The following LGSN variants were observed in gnomAD, a reference collection of about 807,000 sequenced individuals.
The protein encoded by LGSN is lengsin, lens protein with glutamine synthetase domain.
A neutral mutation model predicts 19.5 loss-of-function variants in LGSN; 21 were observed. That is an observed-to-expected ratio of 1.07 (90% CI 0.76 to 1.55). The LOEUF (loss-of-function observed/expected upper bound fraction) is 1.55. Among genes scored for constraint, LGSN ranks in the 40% most tolerant of loss-of-function variants. LGSN has a pLI of 0.00. For missense variants in LGSN, 673 were observed against 608.5 expected (o/e 1.11, Z -1.12); for synonymous variants, 257 against 215.6 (o/e 1.19, Z -1.68).
chr6:63,317,765 G>C (rs1768920294), intron 1 of LGSN, among the ~76,000 whole-genome samples: 1 of 152,120 alleles, frequency 6.6e-6, no homozygotes, highest in Non-Finnish European at 1.5e-5. Context: ...ACAGATACAG[G>C]CTGCAGAGCA....
At chr6:63,567,772 C>T in the LGSN span, among the ~76,000 whole-genome samples, 1 of 152,222 alleles carries the variant, frequency 6.6e-6, no homozygotes, top group Admixed American at 6.5e-5. Context: ...CAGTATAAGA[C>T]TGTTTTGTCT....
At chr6:63,526,724 G>A in the LGSN span, among the ~76,000 whole-genome samples, 5 of 149,898 alleles carry the variant, frequency 3.3e-5, no homozygotes, top group Non-Finnish European at 7.4e-5. Context: ...TCTTGAATCT[G>A]GGAGGCAGAG....
At chr6:63,534,303 A>G in the LGSN span, among the ~76,000 whole-genome samples, 40 of 152,294 alleles carry the variant, frequency 2.6e-4, no homozygotes, top group African/African-American at 9.6e-4. Context: ...ACTACATCTG[A>G]TGCCATGCAA....
chr6:63,558,829 G>GC, the LGSN span, among the ~76,000 whole-genome samples: 1 of 152,138 alleles, frequency 6.6e-6, no homozygotes, highest in African/African-American at 2.4e-5. Context: ...CATCCCAGGG[G>GC]CCCCCATAAG....
chr6:63,467,004 G>A, the LGSN span, among the ~76,000 whole-genome samples: 22 of 152,154 alleles, frequency 1.4e-4, no homozygotes, highest in African/African-American at 5.3e-4. Context: ...TTAAAGCCAT[G>A]AGACTGGCTG....
the LGSN span, among the ~76,000 whole-genome samples, chr6:63,402,138 T>G: frequency 1.3e-5 from 2 of 152,124 alleles, no homozygotes; most frequent in African/African-American, 4.8e-5. Flanking sequence ...TTTTAGTCAA[T>G]CTAAAGTGAG....
the LGSN span, among the ~76,000 whole-genome samples, chr6:63,505,093 T>A: frequency 2.0e-5 from 3 of 152,034 alleles, no homozygotes; most frequent in African/African-American, 7.3e-5. Context: ...TTCTTTATTG[T>A]CCTATATTGG....
the LGSN span, among the ~76,000 whole-genome samples, chr6:63,412,481 GAGAAGAAAGA>G: frequency 1.1e-5 from 1 of 91,498 alleles, no homozygotes; most frequent in South Asian, 3.3e-4. Flanking sequence ...AGAGAAGAAA[GAGAAGAAAGA>G]AAGAAAGAAA....
the LGSN span, among the ~76,000 whole-genome samples, chr6:63,414,322 T>C: frequency 6.6e-6 from 1 of 152,128 alleles, no homozygotes; most frequent in East Asian, 1.9e-4. Context: ...CTGTAAAATA[T>C]CCCCCCATTT....
intron 1 of LGSN, among the ~76,000 whole-genome samples, chr6:63,304,662 G>A (rs1768311108): frequency 6.6e-6 from 1 of 152,138 alleles, no homozygotes; most frequent in African/African-American, 2.4e-5. Context: ...TGGCTAAGGA[G>A]CATACTCCAA....
the LGSN span, among the ~76,000 whole-genome samples, chr6:63,472,928 G>T: frequency 1.3e-5 from 2 of 151,492 alleles, no homozygotes; most frequent in Non-Finnish European, 2.9e-5. Context: ...GCAACAGAGC[G>T]AGACTCTGTC....
the LGSN span, among the ~76,000 whole-genome samples, chr6:63,524,178 T>G: frequency 6.6e-6 from 1 of 151,952 alleles, no homozygotes; most frequent in African/African-American, 2.4e-5. Context: ...AGAGATGGAG[T>G]TTTACCCTCT....
chr6:63,355,718 G>A, the LGSN span, among the ~76,000 whole-genome samples: 11 of 152,136 alleles, frequency 7.2e-5, no homozygotes, highest in African/African-American at 2.4e-4. Context: ...CACTCTTGAT[G>A]CACAGGCTGT....
the LGSN span, among the ~76,000 whole-genome samples, chr6:63,562,137 A>G: frequency 4.0e-5 from 6 of 151,388 alleles, no homozygotes; most frequent in African/African-American, 1.5e-4. Context: ...TTTTTATAGC[A>G]TTTCTTTTTA....
the LGSN span, among the ~76,000 whole-genome samples, chr6:63,447,625 A>G: frequency 2.1e-4 from 32 of 152,336 alleles, no homozygotes; most frequent in African/African-American, 7.7e-4. Flanking sequence ...ATCTATCCTA[A>G]TGACTATAAG....
intron 1 of LGSN, among the ~76,000 whole-genome samples, chr6:63,318,462 A>G (rs571866837): frequency 3.3e-5 from 5 of 152,246 alleles, no homozygotes; most frequent in Admixed American, 2.6e-4. Context: ...ATGCGAACCT[A>G]TACAGGAGAG....
At chr6:63,543,710 T>C in the LGSN span, among the ~76,000 whole-genome samples, 1 of 152,148 alleles carries the variant, frequency 6.6e-6, no homozygotes, top group South Asian at 2.1e-4. Context: ...TAATCTTTAC[T>C]GAAAGACCTG....
At chr6:63,425,664 A>G in the LGSN span, among the ~76,000 whole-genome samples, 1 of 152,022 alleles carries the variant, frequency 6.6e-6, no homozygotes, top group Non-Finnish European at 1.5e-5. Context: ...AACACAAGAG[A>G]TCCTGGTGGT....
chr6:63,415,005 G>C, the LGSN span, among the ~76,000 whole-genome samples: 2 of 152,144 alleles, frequency 1.3e-5, no homozygotes. Flanking sequence ...CCCTCAATTA[G>C]TTCATTTTCA....
Sources: gnomAD v4.1 joint callset for allele counts (sites outside exome capture counted in the v4.1 genomes callset) on GRCh38, gnomAD v4.1.1 for gene constraint, MANE v1.5 for transcripts, NCBI Gene and HGNC (gene_info 2026-07-23, HGNC 2026-07-21) for gene names.